Variants in CPPED1 observed in about 807,000 individuals in gnomAD.
CPPED1 encodes calcineurin like phosphoesterase domain containing 1, also known as serine/threonine-protein phosphatase CPPED1.
Under a neutral mutation model 28.0 loss-of-function variants are expected in CPPED1, and 28 were observed. That is an observed-to-expected ratio of 1.00 (90% CI 0.74 to 1.37). CPPED1 has a LOEUF of 1.37. CPPED1 is among the 40% of genes most tolerant of loss of function. CPPED1 has a pLI of 0.00. For synonymous variants in CPPED1, 198 were observed against 180.2 expected, an observed-to-expected ratio of 1.10 and a Z score of -0.79; for missense variants, 504 against 416.5, an observed-to-expected ratio of 1.21 and a Z score of -1.83.
intron 2 of CPPED1, among the ~76,000 whole-genome samples, chr16:12,705,504 T>A (rs999308986): frequency 2.0e-5 from 3 of 152,142 alleles, no homozygotes; most frequent in Non-Finnish European, 4.4e-5. Flanking sequence ...ATGCCTGTAA[T>A]CCCAGCACTT....
chr16:12,763,808 A>T (rs1001360595), intron 2 of CPPED1, among the ~76,000 whole-genome samples: 19 of 152,184 alleles, frequency 1.2e-4, no homozygotes, highest in African/African-American at 4.6e-4. Context: ...TTCTGGCAGG[A>T]CTTCGGACAC....
At chr16:12,737,212 TA>T (rs111326182) in intron 2 of CPPED1, among the ~76,000 whole-genome samples, 175 of 149,348 alleles carry the variant, frequency 1.2e-3, no homozygotes, top group African/African-American at 4.0e-3. Flanking sequence ...ATAATAATAA[TA>T]AAAAAAATCA....
intron 2 of CPPED1, among the ~76,000 whole-genome samples, chr16:12,745,172 A>G (rs1445075908): frequency 6.6e-6 from 1 of 150,786 alleles, no homozygotes; most frequent in African/African-American, 2.5e-5. Context: ...GAAATCCCTC[A>G]AACAGAGGTG....
At chr16:12,738,117 C>T (rs1013074728) in intron 2 of CPPED1, among the ~76,000 whole-genome samples, 2 of 152,002 alleles carry the variant, frequency 1.3e-5, no homozygotes, top group Admixed American at 6.6e-5. Context: ...GGAGATAATC[C>T]GAATGTGCAT....
chr16:12,689,071 C>A (rs1162068234), intron 3 of CPPED1, among the ~76,000 whole-genome samples: 1 of 152,088 alleles, frequency 6.6e-6, no homozygotes, highest in African/African-American at 2.4e-5. Flanking sequence ...CAGTGTCCAA[C>A]AATGACAAGA....
In CPPED1 at chr16:12,790,072, C is replaced by T. The variant is rs2080587314; in HGVS notation, c.71-8669G>A. The stretch of plus-strand genomic sequence containing the variant: ...GAAAGGCCTGTAGGTTTTCTTTAAA[C>T]ATTATCAGGTGCAAAGCAATTGCAC... On this transcript the variant is annotated intron_variant, in intron 1 of 3. Transcript: ENST00000381774. Among the ~76,000 whole-genome samples, 5 of 152,256 alleles carry T rather than the reference C, an allele frequency of 3.3e-5. No individual in the cohort carries two copies. In the South Asian group the frequency reaches 1.0e-3, roughly 32 times the overall value.
chr16:12,672,331 T>C (rs1278712248), intron 3 of CPPED1, among the ~76,000 whole-genome samples: 1 of 152,216 alleles, frequency 6.6e-6, no homozygotes, highest in East Asian at 1.9e-4. Flanking sequence ...CAAAGATGTA[T>C]CCGGGCTGTA....
At chr16:12,681,267 A>C (rs1007511989) in intron 3 of CPPED1, among the ~76,000 whole-genome samples, 11 of 152,098 alleles carry the variant, frequency 7.2e-5, no homozygotes, top group African/African-American at 2.7e-4. Flanking sequence ...CTCTGCCCTC[A>C]AGAATGCATT....
intron 1 of CPPED1, among the ~76,000 whole-genome samples, chr16:12,784,083 G>A (rs2080548430): frequency 6.6e-6 from 1 of 152,228 alleles, no homozygotes; most frequent in African/African-American, 2.4e-5. Context: ...GATGATGGCA[G>A]TCCCTTCCAA....
At chr16:12,744,292 G>GAA (rs869090584) in intron 2 of CPPED1, among the ~76,000 whole-genome samples, 3,250 of 78,318 alleles carry the variant, frequency 0.041, 49 homozygotes, top group East Asian at 0.15. Context: ...GAGAGAGAGA[G>GAA]AGAGAAAGCA....
In CPPED1 at chr16:12,715,582, C is replaced by A. The variant is rs373208114; in HGVS notation, c.290-10533G>T. ...GGCTGAGGCAGGAAAATTGCTTGAA[C>A]TGGGGAGGTGGAGGTTGCAGTGAGC... On this transcript the variant is annotated intron_variant, in intron 2 of 3. Transcript: ENST00000381774. 2.0e-5 allele frequency among the ~76,000 whole-genome samples: 3 copies of A among 152,310 alleles called. No homozygotes were observed. The East Asian group carries it at 5.8e-4, about 29-fold the overall frequency.
chr16:12,782,064 CTT>C (rs896600489), intron 1 of CPPED1, among the ~76,000 whole-genome samples: 1 of 151,998 alleles, frequency 6.6e-6, no homozygotes, highest in African/African-American at 2.4e-5. Context: ...GGTGGGGACT[CTT>C]TTATGTTCTT....
At chr16:12,668,104 A>C (rs2079835104) in intron 3 of CPPED1, among the ~76,000 whole-genome samples, 1 of 152,212 alleles carries the variant, frequency 6.6e-6, no homozygotes. Flanking sequence ...CTCAAATTTT[A>C]TTCCTAGCTA....
intron 1 of CPPED1, among the ~76,000 whole-genome samples, chr16:12,792,435 G>C (rs964407936): frequency 6.6e-6 from 1 of 152,142 alleles, no homozygotes; most frequent in South Asian, 2.1e-4. Flanking sequence ...ATAATGCACA[G>C]GACAGGAACC....
intron 2 of CPPED1, among the ~76,000 whole-genome samples, chr16:12,718,082 T>C (rs77686025): frequency 7.9e-5 from 12 of 152,358 alleles, no homozygotes; most frequent in Admixed American, 3.9e-4. Flanking sequence ...CACCAGTAGA[T>C]ACAGCAAGAA....
rs1325631918 is a variant in CPPED1, at chr16:12,781,229, G to T, written c.245C>A (p.Pro82His). ...VQAINKLNPK[P>H]KFFVLCGDLI... ...GTCGCCGCACAGAACGAAGAATTTGGGTTTGGGGTTCAGCTTGTTGATGGC... is the reference window on the plus strand; with the variant it reads ...GTCGCCGCACAGAACGAAGAATTTGTGTTTGGGGTTCAGCTTGTTGATGGC... The change falls in exon 2 of 4, where the codon CCC (proline) becomes CAC (histidine). Residue 82 changes from proline (P) to histidine (H), a missense_variant. Coordinates refer to ENST00000381774, the MANE Select transcript of CPPED1 (RefSeq NM_018340.3). The T allele has an allele frequency of 6.2e-7, 1 of 1,614,096 alleles. No homozygotes were observed. Among genetic ancestry groups the T allele is most frequent in the East Asian group, 2.2e-5 (1 of 44,868 alleles).
intron 2 of CPPED1, among the ~76,000 whole-genome samples, chr16:12,749,369 G>A (rs12444118): frequency 0.036 from 5,504 of 152,130 alleles, 174 homozygotes; most frequent in East Asian, 0.14. Context: ...TCCATAAGAC[G>A]CAACTCCTCA....
At chr16:12,755,639 A>AT (rs1264457137) in intron 2 of CPPED1, among the ~76,000 whole-genome samples, 1 of 152,204 alleles carries the variant, frequency 6.6e-6, no homozygotes, top group Non-Finnish European at 1.5e-5. Context: ...TTTGTGATAG[A>AT]TATAAATACT....
chr16:12,709,322 T>C lies in CPPED1; in HGVS notation c.290-4273A>G, dbSNP rs921963284. 6.6e-6 allele frequency among the ~76,000 whole-genome samples: 1 copy of C among 152,120 alleles called. No homozygotes were observed. Among genetic ancestry groups the C allele is most frequent in the Admixed American group, 6.5e-5 (1 of 15,274 alleles). On this transcript the variant is annotated intron_variant, in intron 2 of 3. Coordinates refer to ENST00000381774, the MANE Select transcript of CPPED1 (RefSeq NM_018340.3). This position sits in a 1 kb window ranked among gnomAD's most constrained non-coding sequence, Gnocchi z 4.4. ...GAAGAGGGGCAGAGAAGGATTGTTCTGGGGTCTCCAAGGTGGATAAGAGGT... is the reference window on the plus strand; with the variant it reads ...GAAGAGGGGCAGAGAAGGATTGTTCCGGGGTCTCCAAGGTGGATAAGAGGT...
Sources: gnomAD v4.1 joint callset for allele counts (sites outside exome capture counted in the v4.1 genomes callset) on GRCh38, gnomAD v4.1.1 for gene constraint, Gnocchi (gnomAD v3.1) non-coding constraint, MANE v1.5 for transcripts, NCBI Gene and HGNC (gene_info 2026-07-23, HGNC 2026-07-21) for gene names.